The following KCNJ3 variants were observed in gnomAD, a reference collection of about 807,000 sequenced individuals.
The protein encoded by KCNJ3 is potassium inwardly rectifying channel subfamily J member 3.
A neutral mutation model predicts 39.2 loss-of-function variants in KCNJ3; 4 were observed. The ratio of observed to expected loss-of-function variants is 0.10; its 90% CI spans 0.05 to 0.23. KCNJ3 has a LOEUF of 0.23. Ranked by LOEUF, KCNJ3 falls within the 10% of genes least tolerant of loss-of-function variation. KCNJ3 has a pLI of 1.00. For missense variants in KCNJ3, 276 were observed against 634.9 expected (o/e 0.43, Z 6.08); for synonymous variants, 230 against 237.4 (o/e 0.97, Z 0.29).
At chr2:154,753,902 C>A (rs564349375) in intron 2 of KCNJ3, among the ~76,000 whole-genome samples, 11 of 152,172 alleles carry the variant, frequency 7.2e-5, no homozygotes, top group Admixed American at 2.0e-4. Flanking sequence ...GCAGAGTTCC[C>A]ACTTACACTT....
At chr2:154,716,436 T>C (rs951924045) in intron 2 of KCNJ3, among the ~76,000 whole-genome samples, 1 of 151,976 alleles carries the variant, frequency 6.6e-6, no homozygotes, top group Non-Finnish European at 1.5e-5. Context: ...ATTATTTTTT[T>C]TCTTTGATTA....
intron 2 of KCNJ3, among the ~76,000 whole-genome samples, chr2:154,826,304 C>T (rs951802268): frequency 6.6e-6 from 1 of 152,184 alleles, no homozygotes; most frequent in African/African-American, 2.4e-5. Context: ...GTTCAGAATA[C>T]ACAGCAGTTT....
chr2:154,824,988 C>T (rs1225243553), intron 2 of KCNJ3, among the ~76,000 whole-genome samples: 1 of 152,146 alleles, frequency 6.6e-6, no homozygotes, highest in Non-Finnish European at 1.5e-5. Flanking sequence ...CTGCGCAATC[C>T]GTTTTGAGTA....
At chr2:154,838,506 T>A (rs897015664) in intron 2 of KCNJ3, among the ~76,000 whole-genome samples, 2 of 152,166 alleles carry the variant, frequency 1.3e-5, no homozygotes, top group East Asian at 3.8e-4. Flanking sequence ...GAGAATTATA[T>A]GATAATACAC....
intron 2 of KCNJ3, among the ~76,000 whole-genome samples, chr2:154,828,162 A>C (rs1435368191): frequency 6.6e-6 from 1 of 152,130 alleles, no homozygotes. Flanking sequence ...ACTACTACTT[A>C]CCTATTATTG....
At chr2:154,836,215 A>G (rs200878130) in intron 2 of KCNJ3, among the ~76,000 whole-genome samples, 3 of 58,148 alleles carry the variant, frequency 5.2e-5, no homozygotes, top group African/African-American at 1.1e-4. Context: ...CTCAAAAAAA[A>G]AAACAAAAAA....
At chr2:154,779,681 C>T (rs1416976009) in intron 2 of KCNJ3, among the ~76,000 whole-genome samples, 2 of 151,398 alleles carry the variant, frequency 1.3e-5, no homozygotes, top group African/African-American at 4.9e-5. Context: ...GTAGCTGGGG[C>T]TACAGGCGCA....
At chr2:154,767,600 G>A (rs1221428438) in intron 2 of KCNJ3, among the ~76,000 whole-genome samples, 2 of 152,134 alleles carry the variant, frequency 1.3e-5, no homozygotes, top group African/African-American at 4.8e-5. Flanking sequence ...TGGACATTTG[G>A]ATTGGTTCCA....
intron 2 of KCNJ3, among the ~76,000 whole-genome samples, chr2:154,790,842 G>T (rs192122653): frequency 1.3e-5 from 2 of 152,192 alleles, no homozygotes; most frequent in Non-Finnish European, 2.9e-5. Context: ...GTCTGCCAGG[G>T]AAGATCTGCC....
At chr2:154,703,805 A>G (rs138723629) in intron 1 of KCNJ3, among the ~76,000 whole-genome samples, 1,929 of 152,218 alleles carry the variant, frequency 0.013, 24 homozygotes, top group South Asian at 0.022. Flanking sequence ...GCCAATTTGA[A>G]CTTTATTTTT....
At chr2:154,750,756 T>C (rs1685827384) in intron 2 of KCNJ3, among the ~76,000 whole-genome samples, 1 of 152,050 alleles carries the variant, frequency 6.6e-6, no homozygotes, top group South Asian at 2.1e-4. Flanking sequence ...TTGTTTTCAT[T>C]GCAACTCTTC....
intron 2 of KCNJ3, among the ~76,000 whole-genome samples, chr2:154,721,573 G>T (rs1209605228): frequency 1.3e-5 from 2 of 151,714 alleles, no homozygotes; most frequent in Non-Finnish European, 2.9e-5. Flanking sequence ...AACACGACAT[G>T]TTCAGCTTTG....
intron 2 of KCNJ3, among the ~76,000 whole-genome samples, chr2:154,780,186 A>G (rs1686410552): frequency 6.6e-6 from 1 of 152,152 alleles, no homozygotes; most frequent in African/African-American, 2.4e-5. Context: ...AAAGAAAAAA[A>G]GGCACAAATG....
At chr2:154,715,773 A>G (rs544475959) in intron 2 of KCNJ3, among the ~76,000 whole-genome samples, 3 of 152,234 alleles carry the variant, frequency 2.0e-5, no homozygotes, top group Non-Finnish European at 2.9e-5. Context: ...GATCTACACC[A>G]TTACTGATTT....
chr2:154,805,880 A>G (rs1463005083), intron 2 of KCNJ3, among the ~76,000 whole-genome samples: 1 of 152,190 alleles, frequency 6.6e-6, no homozygotes, highest in Non-Finnish European at 1.5e-5. Flanking sequence ...TGGAAATTTT[A>G]TAAACAAAAT....
intron 2 of KCNJ3, among the ~76,000 whole-genome samples, chr2:154,819,061 A>C (rs1419903174): frequency 1.3e-5 from 2 of 151,330 alleles, no homozygotes; most frequent in East Asian, 3.9e-4. Context: ...GCTACTCTGA[A>C]AGCAGAGGCA....
chr2:154,702,509 T>C (rs144836808), intron 1 of KCNJ3, among the ~76,000 whole-genome samples: 13 of 152,104 alleles, frequency 8.5e-5, no homozygotes, highest in African/African-American at 3.1e-4. Context: ...TTTAAATGCC[T>C]AACTTTTGAT....
At chr2:154,816,915 T>C (rs549018527) in intron 2 of KCNJ3, among the ~76,000 whole-genome samples, 2 of 152,314 alleles carry the variant, frequency 1.3e-5, no homozygotes, top group South Asian at 2.1e-4. Flanking sequence ...ACATTAATCA[T>C]GGATATTAGT....
At chr2:154,736,551 T>C (rs576940157) in intron 2 of KCNJ3, among the ~76,000 whole-genome samples, 4 of 152,202 alleles carry the variant, frequency 2.6e-5, no homozygotes, top group African/African-American at 9.6e-5. Context: ...TAACTTATTC[T>C]TACCAACTCA....
Sources: allele counts gnomAD v4.1 joint callset (sites outside exome capture counted in the v4.1 genomes callset), GRCh38; gene constraint gnomAD v4.1.1; transcripts MANE v1.5; gene names NCBI Gene and HGNC (gene_info 2026-07-23, HGNC 2026-07-21).